LRRC3C: variants seen among roughly 807,000 people sequenced by gnomAD.
The protein encoded by LRRC3C is leucine-rich repeat-containing protein 3C.
A neutral mutation model predicts 14.8 loss-of-function variants in LRRC3C; 11 were observed. The ratio of observed to expected loss-of-function variants is 0.74; its 90% CI spans 0.47 to 1.23. The LOEUF is 1.23. Ranked by LOEUF, LRRC3C falls within the 50% of genes most tolerant of loss-of-function variation. The probability of loss-of-function intolerance (pLI) is 0.00; values close to 1 mark genes in which losing one functional copy is unlikely to be tolerated. For missense variants in LRRC3C, 354 were observed against 361.8 expected, an observed-to-expected ratio of 0.98 and a Z score of 0.18; for synonymous variants, 149 against 161.5, an observed-to-expected ratio of 0.92 and a Z score of 0.59.
intron 1 of LRRC3C, 136 bp from the exon 2 acceptor site, chr17:39,935,666 A>G (rs1978777609): frequency 3.8e-6 from 1 of 266,226 alleles, no homozygotes; most frequent in South Asian, 1.4e-4. Flanking sequence ...CAAAAGAAAA[A>G]AACAACTCTG....
chr17:39,932,789 C>T lies in LRRC3C; in HGVS notation c.-174-3013C>T, dbSNP rs539956159. On this transcript the variant is annotated intron_variant, in intron 1 of 3. Coordinates refer to ENST00000377924, the MANE Select transcript of LRRC3C (RefSeq NM_001195545.2). ...AACAACAACCGGGCATGGTGGCTAG[C>T]GCCTGTAATCCCAGCACTTTGGGAG... Among the ~76,000 whole-genome samples the T allele has an allele frequency of 3.5e-5, 5 of 144,246 alleles. No homozygotes were observed. In the South Asian group the frequency reaches 9.3e-4, roughly 27 times the overall value. The allele number at this position is 144,246 out of a possible 152,430, so 94.6% of individuals were successfully genotyped here.
intron 3 of LRRC3C, 24 bp downstream of exon 3, chr17:39,941,573 C>T (rs1249294620): frequency 6.5e-7 from 1 of 1,532,852 alleles, no homozygotes; most frequent in South Asian, 1.2e-5. Flanking sequence ...CCCCTAGTCT[C>T]TGTGACACCC....
chr17:39,933,923 G>A (rs1978727166), intron 1 of LRRC3C, among the ~76,000 whole-genome samples: 1 of 152,208 alleles, frequency 6.6e-6, no homozygotes, highest in South Asian at 2.1e-4. Context: ...ATTTTTGTTT[G>A]GGTGGGGGAT....
At chr17:39,934,559 C>G (rs899766969) in intron 1 of LRRC3C, 1 of 152,174 alleles carries the variant, frequency 6.6e-6, no homozygotes, top group Admixed American at 6.5e-5. Flanking sequence ...GAACCACCTC[C>G]CCCTGGGCTG....
chr17:39,936,649 CAAAAAAAA>C (rs762019861), intron 2 of LRRC3C, among the ~76,000 whole-genome samples: 1 of 77,370 alleles, frequency 1.3e-5, no homozygotes, highest in Non-Finnish European at 2.7e-5. Flanking sequence ...CACAAAAATA[CAAAAAAAA>C]AAAAAAAAAA....
At chr17:39,937,351 G>A (rs562868799) in intron 2 of LRRC3C, among the ~76,000 whole-genome samples, 5 of 151,920 alleles carry the variant, frequency 3.3e-5, no homozygotes, top group South Asian at 2.1e-4. Context: ...CAGGAGAATC[G>A]CCTGAACCTG....
intron 2 of LRRC3C, among the ~76,000 whole-genome samples, chr17:39,939,065 A>G (rs1021122415): frequency 6.6e-6 from 1 of 151,588 alleles, no homozygotes; most frequent in Non-Finnish European, 1.5e-5. Context: ...GCCCAGCCCT[A>G]TCCTCTCTTA....
intron 2 of LRRC3C, among the ~76,000 whole-genome samples, chr17:39,938,483 C>A (rs866896289): frequency 2.7e-5 from 4 of 150,546 alleles, no homozygotes; most frequent in African/African-American, 4.9e-5. Flanking sequence ...AAGGCAGGAG[C>A]CTTAGGAGTT....
intron 1 of LRRC3C, among the ~76,000 whole-genome samples, chr17:39,931,376 G>C (rs1194220102): frequency 6.8e-6 from 1 of 147,072 alleles, no homozygotes; most frequent in Admixed American, 7.0e-5. Context: ...AAACTGGGAG[G>C]CAGAGGTTGC....
chr17:39,943,952 C>A lies in LRRC3C; in HGVS notation c.46C>A (p.Leu16Ile). The A allele has an allele frequency of 1.3e-6, 2 of 1,536,170 alleles. No individual in the cohort carries two copies. The highest frequency in any genetic ancestry group is 1.4e-5 in the African/African-American group (1 of 73,174). Residue 16 changes from leucine (L) to isoleucine (I), a missense_variant, in exon 4 of 4, where the codon CTA becomes ATA. Transcript: ENST00000377924. The part of the protein sequence containing the change: ...SSFVSYCTPG[L>I]CQFMAMLPTA... The stretch of plus-strand genomic sequence containing the variant: ...CCCCAGATCCTACTGCACTCCAGGA[C>A]TATGCCAATTTATGGCCATGCTCCC...
chr17:39,942,360 G>A (rs1319293076), intron 3 of LRRC3C, among the ~76,000 whole-genome samples: 1 of 152,128 alleles, frequency 6.6e-6, no homozygotes, highest in East Asian at 1.9e-4. Flanking sequence ...ACGGAGTGGC[G>A]TGGCCTGCAA....
chr17:39,935,935 C>A, intron 2 of LRRC3C, 41 bp downstream of exon 2: 1 of 945,500 alleles, frequency 1.1e-6, no homozygotes, highest in Non-Finnish European at 1.3e-6. Context: ...ATCTATCTAC[C>A]TACCTATCTA....
chr17:39,938,463 G>T (rs973715591), intron 2 of LRRC3C, among the ~76,000 whole-genome samples: 4 of 151,136 alleles, frequency 2.6e-5, no homozygotes, highest in African/African-American at 9.8e-5. Flanking sequence ...AGCACTTTTT[G>T]CAGGGGGCCA....
At chr17:39,932,158 C>A (rs1267330675) in intron 1 of LRRC3C, among the ~76,000 whole-genome samples, 6 of 152,010 alleles carry the variant, frequency 3.9e-5, no homozygotes, top group Non-Finnish European at 7.4e-5. Flanking sequence ...TCAGTTACCT[C>A]GTTGCTAAAA....
intron 1 of LRRC3C, among the ~76,000 whole-genome samples, chr17:39,932,527 A>AACCCCCCCCCCCC (rs1568116602): frequency 1.4e-5 from 1 of 71,314 alleles, no homozygotes; most frequent in African/African-American, 5.3e-5. Context: ...ACGTAATGAG[A>AACCCCCCCCCCCC]CCCCCCCCCC....
chr17:39,933,551 A>G lies in LRRC3C; in HGVS notation c.-174-2251A>G, dbSNP rs1032865318. On this transcript the variant is annotated intron_variant, in intron 1 of 3. Coordinates refer to ENST00000377924, the MANE Select transcript of LRRC3C (RefSeq NM_001195545.2). Reference sequence around the variant, plus strand: ...AGATCGAGACCATCCTGGCTAACACAGTGAAACCCCATCTCCACTAAAAAT... The same window carrying G: ...AGATCGAGACCATCCTGGCTAACACGGTGAAACCCCATCTCCACTAAAAAT... 7.2e-5 allele frequency among the ~76,000 whole-genome samples: 11 copies of G among 152,194 alleles called. No individual in the cohort carries two copies. The East Asian group carries it at 7.7e-4, about 11-fold the overall frequency.
Position 39,941,352 on chromosome 17 carries a change from A to T in LRRC3C, c.-81-91A>T. On this transcript the variant is annotated intron_variant, in intron 2 of 3. Coordinates refer to ENST00000377924, the MANE Select transcript of LRRC3C (RefSeq NM_001195545.2). ...GGCCACAGAGTGAGACTTTATCTAA[A>T]AAAAAAAAAAAAAAAAAAGGAAGAA... 4 of 175,498 alleles carry T rather than the reference A, an allele frequency of 2.3e-5. No individual in the cohort carries two copies. In the South Asian group the frequency reaches 4.8e-4, roughly 21 times the overall value. The allele number at this position is 175,498 out of a possible 1,614,324, so 10.9% of individuals were successfully genotyped here.
intron 3 of LRRC3C, 110 bp downstream of exon 3, chr17:39,941,659 A>G (rs1331418832): frequency 2.1e-6 from 2 of 960,174 alleles, no homozygotes; most frequent in East Asian, 5.3e-5. Flanking sequence ...TACCGTGGGT[A>G]CCATCAGGCT....
intron 1 of LRRC3C, among the ~76,000 whole-genome samples, chr17:39,932,875 A>G (rs1304596549): frequency 6.6e-6 from 1 of 151,608 alleles, no homozygotes; most frequent in Non-Finnish European, 1.5e-5. Context: ...AACATGGTGA[A>G]ACCCCGTCTC....
Sources: gnomAD v4.1 joint callset for allele counts (sites outside exome capture counted in the v4.1 genomes callset) on GRCh38, gnomAD v4.1.1 for gene constraint, MANE v1.5 for transcripts, NCBI Gene and HGNC (gene_info 2026-07-23, HGNC 2026-07-21) for gene names.